Variants in P2RY10 observed in about 807,000 individuals in gnomAD.
The protein encoded by P2RY10 is P2Y receptor family member 10.
P2RY10 carries 4 observed loss-of-function variants against 12.1 expected under a neutral mutation model. That is an observed-to-expected ratio of 0.33 (90% CI 0.16 to 0.76). The LOEUF is 0.76. Ranked by LOEUF, P2RY10 falls within the 30% of genes least tolerant of loss-of-function variation. The pLI, the probability that P2RY10 is intolerant of heterozygous loss-of-function variation, is 0.61. For missense variants in P2RY10, 233 were observed against 264.6 expected (o/e 0.88, Z 0.83); for synonymous variants, 112 against 94.1 (o/e 1.19, Z -1.10).
Position 78,960,995 on chromosome X carries a change from G to C in P2RY10, c.475G>C (p.Val159Leu), listed in dbSNP as rs994112446. 1.7e-6 allele frequency: 2 copies of C among 1,209,945 alleles called. No homozygotes were observed. The highest frequency in any genetic ancestry group is 2.2e-5 in the Admixed American group (1 of 45,759). ...GGGCATCAGTGCTGCCATCTGGATC[G>C]TTGTGGGGACTGCCTGTTTGCCATT... ...DVGISAAIWIVVGTACLPFPI... is the reference protein window; with the variant it reads ...DVGISAAIWILVGTACLPFPI... Residue 159 changes from valine to leucine, a missense_variant, in exon 4 of 4, where the codon GTT becomes CTT. Physicochemically the swap from Val to Leu is conservative, Grantham distance 32 (BLOSUM62 1). Transcript: ENST00000171757.
chrX:78,958,040 C>A (rs188094612), intron 3 of P2RY10, among the ~76,000 whole-genome samples: 1 of 112,430 alleles, frequency 8.9e-6, no homozygotes, highest in African/African-American at 3.2e-5. Flanking sequence ...TCTCTCACTG[C>A]CTGTGTGTGG....
intron 3 of P2RY10, among the ~76,000 whole-genome samples, chrX:78,952,859 C>A (rs764339915): frequency 5.4e-5 from 6 of 111,617 alleles, no homozygotes; most frequent in Non-Finnish European, 1.1e-4. Context: ...GAGCTGAGGG[C>A]TAAAACAAAT....
chrX:78,956,582 TAA>T (rs1203025114), intron 3 of P2RY10, among the ~76,000 whole-genome samples: 1 of 101,595 alleles, frequency 9.8e-6, no homozygotes, highest in Non-Finnish European at 2.0e-5. Flanking sequence ...ACAAACAAAT[TAA>T]AAAAAAAAAC....
intron 1 of P2RY10, among the ~76,000 whole-genome samples, chrX:78,946,772 T>A (rs1921855152): frequency 8.9e-6 from 1 of 112,252 alleles, no homozygotes; most frequent in Admixed American, 9.4e-5. Context: ...TGAACACAGA[T>A]TCTTTGGCCA....
At chrX:78,951,212 A>C (rs1922087298) in intron 2 of P2RY10, among the ~76,000 whole-genome samples, 2 of 111,844 alleles carry the variant, frequency 1.8e-5, no homozygotes, top group Non-Finnish European at 3.8e-5. Flanking sequence ...TTGTATTCTG[A>C]GAAAACATTT....
intron 3 of P2RY10, among the ~76,000 whole-genome samples, chrX:78,953,242 G>A (rs1922186779): frequency 8.9e-6 from 1 of 111,972 alleles, no homozygotes; most frequent in Non-Finnish European, 1.9e-5. Context: ...TTAGACACAG[G>A]AGGAAATAAG....
chrX:78,954,397 T>A (rs1054896300), intron 3 of P2RY10, among the ~76,000 whole-genome samples: 1 of 111,459 alleles, frequency 9.0e-6, no homozygotes, highest in African/African-American at 3.3e-5. Context: ...TGGGATAGAA[T>A]TATTATTTTT....
rs371059625 is a variant in P2RY10 at position 78,951,615 on chromosome X, A to G, written c.-156-578A>G. On this transcript the variant is annotated intron_variant, in intron 2 of 3. Coordinates refer to ENST00000171757, the MANE Select transcript of P2RY10 (RefSeq NM_014499.4). ...GGGAGTTGAGATGCGATATTGAGAC[A>G]GAAGTAAAATATTGACCTCTGAGTT... is the stretch of plus-strand genomic sequence containing the variant. Among the ~76,000 whole-genome samples the G allele has an allele frequency of 4.5e-5, 5 of 111,672 alleles. No homozygotes were observed. The South Asian group carries it at 1.9e-3, about 42-fold the overall frequency.
intron 3 of P2RY10, among the ~76,000 whole-genome samples, chrX:78,953,440 T>A (rs188902461): frequency 2.6e-4 from 29 of 112,153 alleles, no homozygotes; most frequent in African/African-American, 9.4e-4. Context: ...AATTGAAAAA[T>A]ACTGGAATAA....
intron 2 of P2RY10, among the ~76,000 whole-genome samples, chrX:78,951,055 A>G (rs1209574895): frequency 8.9e-6 from 1 of 111,850 alleles, no homozygotes; most frequent in Non-Finnish European, 1.9e-5. Flanking sequence ...ATAATAATAT[A>G]AGCTCAGTTT....
chrX:78,960,604 T>A lies in P2RY10; in HGVS notation c.84T>A (p.Thr28=). ...TSTAEIYCNV[T]NVKFQYSLYA... ...CTGCTGAGATTTACTGTAATGTCAC[T>A]AATGTGAAATTTCAATACTCCCTCT... is the stretch of plus-strand genomic sequence containing the variant. Residue 28 remains threonine, a synonymous_variant, in exon 4 of 4, where the codon ACT becomes ACA. Coordinates refer to ENST00000171757, the MANE Select transcript of P2RY10 (RefSeq NM_014499.4). The A allele has an allele frequency of 8.3e-7, 1 of 1,205,106 alleles. No individual in the cohort carries two copies. The highest frequency in any genetic ancestry group is 1.1e-6 in the Non-Finnish European group (1 of 889,315).
chrX:78,955,882 TG>T (rs1268347471), intron 3 of P2RY10, among the ~76,000 whole-genome samples: 1 of 111,918 alleles, frequency 8.9e-6, no homozygotes, highest in Admixed American at 9.5e-5. Flanking sequence ...TGGGGCTTAT[TG>T]AATATATACT....
At chrX:78,949,795 T>A (rs754052342) in intron 2 of P2RY10, among the ~76,000 whole-genome samples, 1 of 112,294 alleles carries the variant, frequency 8.9e-6, no homozygotes. Flanking sequence ...TTGGAGTTGA[T>A]GTAGATTTAT....
At chrX:78,956,571 A>C (rs1480427056) in intron 3 of P2RY10, among the ~76,000 whole-genome samples, 1 of 110,224 alleles carries the variant, frequency 9.1e-6, no homozygotes, top group East Asian at 2.8e-4. Context: ...GGTAATAACC[A>C]ACAAACAAAT....
intron 3 of P2RY10, among the ~76,000 whole-genome samples, chrX:78,955,572 A>T (rs932021751): frequency 8.9e-6 from 1 of 111,860 alleles, no homozygotes; most frequent in Non-Finnish European, 1.9e-5. Flanking sequence ...CAGAGAGAAC[A>T]GATGGTAAAT....
chrX:78,958,467 A>G (rs1922450318), intron 3 of P2RY10, among the ~76,000 whole-genome samples: 1 of 112,251 alleles, frequency 8.9e-6, no homozygotes, highest in African/African-American at 3.2e-5. Context: ...TGGAAATACC[A>G]CACGCTTCAG....
At position 78,960,533 on chromosome X, in the gene P2RY10, G is replaced by C. The variant is rs777278599; in HGVS notation, c.13G>C (p.Asp5His). Reference protein sequence around the residue: MANLDKYTETFKMGS... With the variant: MANLHKYTETFKMGS... ...GAACCATAAATCCATGGCTAACCTT[G>C]ACAAATACACTGAAACATTCAAGAT... The change falls in exon 4 of 4, where the codon GAC becomes CAC. Residue 5 changes from aspartate (D) to histidine (H), a missense_variant. Transcript: ENST00000171757. The C allele has an allele frequency of 1.7e-6, 2 of 1,207,208 alleles. No individual in the cohort carries two copies. Among genetic ancestry groups the C allele is most frequent in the Non-Finnish European group, 2.2e-6 (2 of 892,718 alleles).
chrX:78,958,784 G>A, intron 3 of P2RY10, among the ~76,000 whole-genome samples: 1 of 111,870 alleles, frequency 8.9e-6, no homozygotes, highest in Non-Finnish European at 1.9e-5. Flanking sequence ...CTGCATGACT[G>A]TTTAAGATGT....
chrX:78,957,387 C>CAGAGAGAGAG (rs1555965494), intron 3 of P2RY10, among the ~76,000 whole-genome samples: 1 of 75,810 alleles, frequency 1.3e-5, no homozygotes, highest in African/African-American at 4.7e-5. Flanking sequence ...CACACACACA[C>CAGAGAGAGAG]AGAGAGAGAG....
Sources: allele counts gnomAD v4.1 joint callset (sites outside exome capture counted in the v4.1 genomes callset), GRCh38; gene constraint gnomAD v4.1.1; transcripts MANE v1.5; gene names NCBI Gene and HGNC (gene_info 2026-07-23, HGNC 2026-07-21).